Variants in EFL1 observed in about 807,000 individuals in gnomAD.
EFL1 encodes elongation factor-like GTPase 1.
A neutral mutation model predicts 126.7 loss-of-function variants in EFL1; 76 were observed. The ratio of observed to expected loss-of-function variants is 0.60; its 90% confidence interval spans 0.50 to 0.73. EFL1 has a LOEUF of 0.73. EFL1 is among the 30% of genes least tolerant of loss of function. The pLI, the probability that EFL1 is intolerant of heterozygous loss-of-function variation, is 0.00. For missense variants in EFL1, 1,128 were observed against 1,343.2 expected (o/e 0.84, Z 2.50); for synonymous variants, 410 against 448.4 (o/e 0.91, Z 1.08).
intron 6 of EFL1, among the ~76,000 whole-genome samples, chr15:82,239,400 C>T (rs868723685): frequency 3.3e-4 from 50 of 152,198 alleles, no homozygotes; most frequent in Middle Eastern, 3.4e-3. Flanking sequence ...CCTCCCAAAG[C>T]GCTGGGATTA....
chr15:82,255,888 C>G (rs2075062344), intron 3 of EFL1, among the ~76,000 whole-genome samples: 1 of 152,112 alleles, frequency 6.6e-6, no homozygotes, highest in African/African-American at 2.4e-5. Context: ...ATATCTTACT[C>G]TTCTTCAGTC....
At chr15:82,180,752 CTT>C (rs981765094) in intron 15 of EFL1, among the ~76,000 whole-genome samples, 2 of 144,648 alleles carry the variant, frequency 1.4e-5, no homozygotes, top group Admixed American at 6.9e-5. Context: ...ATTTTTCTTT[CTT>C]TTTTTTTTTT....
At chr15:82,155,537 A>G (rs1428840803) in intron 17 of EFL1, among the ~76,000 whole-genome samples, 1 of 152,120 alleles carries the variant, frequency 6.6e-6, no homozygotes, top group Non-Finnish European at 1.5e-5. Flanking sequence ...AACTGTTGCT[A>G]TGCGTATTCT....
chr15:82,261,560 T>G (rs2075118183), intron 2 of EFL1, 128 bp downstream of exon 2: 1 of 911,632 alleles, frequency 1.1e-6, no homozygotes. Flanking sequence ...CACACAAAAC[T>G]TTTAAAGAAA....
intron 2 of EFL1, 25 bp downstream of exon 2, chr15:82,261,663 T>C (rs2075121036): frequency 6.2e-7 from 1 of 1,604,032 alleles, no homozygotes; most frequent in Non-Finnish European, 8.5e-7. Context: ...TTTATCAAAA[T>C]AAGCCATTTA....
intron 16 of EFL1, among the ~76,000 whole-genome samples, chr15:82,162,233 T>C (rs1160550778): frequency 6.6e-6 from 1 of 152,180 alleles, no homozygotes. Flanking sequence ...ATCGTGATTG[T>C]GACTGAGCCA....
chr15:82,229,325 C>CGTAA (rs1359502579), intron 8 of EFL1, among the ~76,000 whole-genome samples: 1 of 152,200 alleles, frequency 6.6e-6, no homozygotes, highest in Non-Finnish European at 1.5e-5. Context: ...GAACCATAGA[C>CGTAA]TTTACAAGTG....
intron 15 of EFL1, among the ~76,000 whole-genome samples, chr15:82,186,457 GT>G (rs1203866026): frequency 1.6e-4 from 25 of 152,296 alleles, no homozygotes; most frequent in African/African-American, 6.0e-4. Context: ...TGCTCTGGCA[GT>G]TAAACACTCT....
At chr15:82,141,700 A>AAC (rs1430409178) in intron 18 of EFL1, among the ~76,000 whole-genome samples, 3 of 151,390 alleles carry the variant, frequency 2.0e-5, no homozygotes, top group African/African-American at 7.3e-5. Flanking sequence ...AAAAAAAAAA[A>AAC]CAAAAAAGAA....
chr15:82,250,922 G>T (rs1413975713), intron 4 of EFL1, among the ~76,000 whole-genome samples: 1 of 152,056 alleles, frequency 6.6e-6, no homozygotes, highest in Non-Finnish European at 1.5e-5. Context: ...AATCAAGAAA[G>T]CATACCTGGC....
chr15:82,233,152 C>T (rs1205775148), intron 7 of EFL1, among the ~76,000 whole-genome samples: 3 of 152,122 alleles, frequency 2.0e-5, no homozygotes, highest in Admixed American at 6.6e-5. Context: ...TACGGGTACA[C>T]AAATCTTTCA....
At position 82,262,603 on chromosome 15, in the gene EFL1, C is replaced by T; in HGVS notation, c.-20+11G>A. 2.6e-6 allele frequency: 1 copy of T among 388,146 alleles called. No individual in the cohort carries two copies. The highest frequency in any genetic ancestry group is 4.6e-6 in the Non-Finnish European group (1 of 216,114). The allele number at this position is 388,146 out of a possible 1,614,324, so 24.0% of individuals were successfully genotyped here. On this transcript the variant is annotated intron_variant, in intron 1 of 19. Coordinates refer to ENST00000268206, the MANE Select transcript of EFL1 (RefSeq NM_024580.6). ...AGGAGGTTCCAGCCCCCAGCGCCAG[C>T]CCACACTCACCGGCTGCAGCAGCCC...
At chr15:82,210,981 T>C (rs576259518) in intron 15 of EFL1, among the ~76,000 whole-genome samples, 2 of 152,238 alleles carry the variant, frequency 1.3e-5, no homozygotes, top group East Asian at 3.9e-4. Context: ...CACTAGGCTT[T>C]GAGTGTTAAT....
chr15:82,241,817 C>T lies in EFL1; in HGVS notation c.245-414G>A, dbSNP rs72749602. Among the ~76,000 whole-genome samples, 1,051 of 152,264 alleles carry T rather than the reference C, an allele frequency of 6.9e-3. 10 individuals carry two copies. Among genetic ancestry groups the T allele is most frequent in the Non-Finnish European group, 8.2e-3 (556 of 68,016 alleles). Reference sequence around the variant, plus strand: ...CTGACAGTAAGAGCTGTTCAAAGGGCCAACAAAGCAGTTGGCCAAGTTCTT... The same window carrying T: ...CTGACAGTAAGAGCTGTTCAAAGGGTCAACAAAGCAGTTGGCCAAGTTCTT... On this transcript the variant is annotated intron_variant, in intron 4 of 19. Coordinates refer to ENST00000268206, the MANE Select transcript of EFL1 (RefSeq NM_024580.6).
intron 16 of EFL1, among the ~76,000 whole-genome samples, chr15:82,158,564 C>T (rs1017086865): frequency 6.6e-6 from 1 of 152,220 alleles, no homozygotes; most frequent in Non-Finnish European, 1.5e-5. Flanking sequence ...GCTGCCTTAG[C>T]AGAAACCTTG....
intron 15 of EFL1, among the ~76,000 whole-genome samples, chr15:82,204,686 C>A (rs965442103): frequency 2.0e-5 from 3 of 152,188 alleles, no homozygotes; most frequent in African/African-American, 7.2e-5. Flanking sequence ...ACTATCTGTT[C>A]CTTGAGCATG....
chr15:82,214,662 A>T (rs541441099), intron 15 of EFL1, 55 bp downstream of exon 15: 1 of 1,287,608 alleles, frequency 7.8e-7, no homozygotes, highest in African/African-American at 1.5e-5. Context: ...TTTCAGTGAC[A>T]TGTTAGATAA....
chr15:82,257,431 T>A (rs1456907189), intron 3 of EFL1, among the ~76,000 whole-genome samples: 1 of 152,188 alleles, frequency 6.6e-6, no homozygotes, highest in African/African-American at 2.4e-5. Flanking sequence ...GCTTTCTATA[T>A]GTCCAAAGTA....
Position 82,138,686 on chromosome 15 carries a change from C to T in EFL1, c.3146G>A (p.Ser1049Asn). Reference sequence around the variant, plus strand: ...CCAATGGCTGAATACTAGTTGTGGGCTGGCCAGGCCACTTGTCCTCTTCCT... The same window carrying T: ...CCAATGGCTGAATACTAGTTGTGGGTTGGCCAGGCCACTTGTCCTCTTCCT... Reference protein sequence around the residue: ...EIRKRTSGLASPQLVFSHWEI... With the variant: ...EIRKRTSGLANPQLVFSHWEI... The change falls in exon 19 of 20, where the codon AGC becomes AAC. Residue 1049 changes from serine to asparagine, a missense_variant. Ser to Asn is a conservative substitution (Grantham distance 46). Around this residue, in one of 6 missense-constraint regions of EFL1, gnomAD observed 561 missense variants for 641.7 expected, o/e 0.87. Coordinates refer to ENST00000268206, the MANE Select transcript of EFL1 (RefSeq NM_024580.6). The T allele has an allele frequency of 6.2e-7, 1 of 1,613,874 alleles. No homozygotes were observed. The highest frequency in any genetic ancestry group is 8.5e-7 in the Non-Finnish European group (1 of 1,179,856).
Sources: allele counts gnomAD v4.1 joint callset (sites outside exome capture counted in the v4.1 genomes callset), GRCh38; gene constraint gnomAD v4.1.1; regional missense constraint gnomAD v4.1.1; transcripts MANE v1.5; gene names NCBI Gene and HGNC (gene_info 2026-07-23, HGNC 2026-07-21).